The following POLRMT variants were observed in gnomAD, a reference collection of about 807,000 sequenced individuals.
The protein encoded by POLRMT is RNA polymerase mitochondrial, also known as DNA-directed RNA polymerase, mitochondrial.
POLRMT carries 114 observed loss-of-function variants against 132.2 expected under a neutral mutation model. That is an observed-to-expected ratio of 0.86 (90% confidence interval 0.74 to 1.01). The LOEUF (loss-of-function observed/expected upper bound fraction) is 1.01, where lower values mean the gene tolerates loss of function less well. POLRMT is among the 50% of genes least tolerant of loss of function. POLRMT has a pLI of 0.00. For synonymous variants in POLRMT, 1,020 were observed against 773.4 expected, an observed-to-expected ratio of 1.32 and a Z score of -5.29; for missense variants, 2,003 against 1,729.1, an observed-to-expected ratio of 1.16 and a Z score of -2.81.
In POLRMT at chr19:619,022, G is replaced by A. The variant is rs768325317; in HGVS notation, c.3242C>T (p.Pro1081Leu). The A allele has an allele frequency of 1.6e-5, 25 of 1,596,940 alleles. No individual in the cohort carries two copies. Among genetic ancestry groups the A allele is most frequent in the South Asian group, 4.5e-5 (4 of 89,670 alleles). The stretch of plus-strand genomic sequence containing the variant: ...CTTGACCTTGGAGTCCAGGCGATAG[G>A]GCTGGATGACGGGGACGCCCAGGGG... The part of the protein sequence containing the change: ...VTPLGVPVIQ[P>L]YRLDSKVKQI... Residue 1081 changes from proline (P) to leucine (L), a missense_variant, in exon 15 of 21, where the codon CCC (proline) becomes CTC (leucine). Coordinates refer to ENST00000588649, the MANE Select transcript of POLRMT (RefSeq NM_005035.4).
chr19:622,789 CCGGGGACCCGGCCGCG>C lies in POLRMT; in HGVS notation c.1455+16_1455+31del. ...AGCCGTGAGTGCCTGCCCGCCCCGC[CCGGGGACCCGGCCGCG>C]CGGAGGAAGACGCACCTGCAGGAGC... On this transcript the variant is annotated intron_variant, in intron 7 of 20. Transcript: ENST00000588649. 1 of 1,571,026 alleles carries C rather than the reference CCGGGGACCCGGCCGCG, an allele frequency of 6.4e-7. No homozygotes were observed. The highest frequency in any genetic ancestry group is 8.6e-7 in the Non-Finnish European group (1 of 1,159,328).
Position 620,015 on chromosome 19 carries a change from G to C in POLRMT, c.2829C>G (p.Ser943=), listed in dbSNP as rs755415414. The C allele has an allele frequency of 8.9e-6, 14 of 1,581,124 alleles. No individual in the cohort carries two copies. Among genetic ancestry groups the C allele is most frequent in the Non-Finnish European group, 1.2e-5 (14 of 1,168,114 alleles). The change falls in exon 12 of 21, where the codon TCC becomes TCG. Residue 943 remains serine (S), a synonymous_variant. Transcript: ENST00000588649. The part of the protein sequence containing the change: ...ALGRDSVGAA[S]VNLEPSDVPQ... Reference sequence around the variant, plus strand: ...GCACATCCGAGGGCTCCAGGTTGACGGAGGCGGCGCCCACGCTGTCGCGGC... The same window carrying C: ...GCACATCCGAGGGCTCCAGGTTGACCGAGGCGGCGCCCACGCTGTCGCGGC...
chr19:624,988 T>A, intron 4 of POLRMT, 83 bp from the exon 5 acceptor site: 1 of 1,528,692 alleles, frequency 6.5e-7, no homozygotes, highest in Non-Finnish European at 8.8e-7. Context: ...CGTGACCACC[T>A]CCTGCTAGCC....
chr19:625,292 G>A (rs1316562531), intron 3 of POLRMT, 38 bp from the exon 4 acceptor site: 2 of 1,610,558 alleles, frequency 1.2e-6, no homozygotes, highest in Admixed American at 3.3e-5. Flanking sequence ...TGGGGGGATG[G>A]CCCAACCTCC....
At chr19:626,882 A>T (rs930221308) in intron 3 of POLRMT, among the ~76,000 whole-genome samples, 1 of 101,582 alleles carries the variant, frequency 9.8e-6, no homozygotes, top group Non-Finnish European at 2.0e-5. Flanking sequence ...TCTGTCTTAA[A>T]ATATACACAC....
At position 626,898 on chromosome 19, in the gene POLRMT, C is replaced by CACACACACACACACATAT. The variant is rs371959370; in HGVS notation, c.823-1645_823-1644insATATGTGTGTGTGTGTGT. 1.6e-4 allele frequency among the ~76,000 whole-genome samples: 24 copies of CACACACACACACACATAT among 146,736 alleles called. No individual in the cohort carries two copies. In the South Asian group the frequency reaches 1.7e-3, roughly 10 times the overall value. On this transcript the variant is annotated intron_variant, in intron 3 of 20. Coordinates refer to ENST00000588649, the MANE Select transcript of POLRMT (RefSeq NM_005035.4). ...CTGTCTTAAAATATACACACACACA[C>CACACACACACACACATAT]ATATATATATATATATAAAATAACA... is the stretch of plus-strand genomic sequence containing the variant.
chr19:628,210 G>C (rs534929064), intron 3 of POLRMT, among the ~76,000 whole-genome samples: 4 of 152,176 alleles, frequency 2.6e-5, no homozygotes, highest in Admixed American at 1.3e-4. Context: ...CTAAGAGTGC[G>C]TTTCTGCTGT....
At chr19:617,364 G>C (rs1984051144) in intron 20 of POLRMT, 41 bp from the exon 21 acceptor site, 3 of 1,612,446 alleles carry the variant, frequency 1.9e-6, no homozygotes, top group African/African-American at 2.7e-5. Flanking sequence ...TGGCGGGAAA[G>C]CCCCGCCCTG....
intron 1 of POLRMT, 143 bp downstream of exon 1, chr19:633,282 C>T (rs1160663925): frequency 3.8e-6 from 4 of 1,047,546 alleles, no homozygotes; most frequent in Non-Finnish European, 5.1e-6. Context: ...CGGGCAAGGG[C>T]GAGTGGAAAG....
chr19:622,016 T>TGGTGTG, intron 9 of POLRMT, 133 bp downstream of exon 9: 1 of 1,127,960 alleles, frequency 8.9e-7, no homozygotes, highest in Non-Finnish European at 1.2e-6. Flanking sequence ...TGGACACCCA[T>TGGTGTG]GGTGTGTCCC....
Position 618,760 on chromosome 19 carries a change from G to A in POLRMT, c.3268C>T (p.Gln1090Ter). The change falls in exon 16 of 21, where the codon CAA (glutamine) becomes TAA (stop). Residue 1090 changes from glutamine to a stop codon, truncating the protein, a stop_gained and splice_region_variant. Coordinates refer to ENST00000588649, the MANE Select transcript of POLRMT (RefSeq NM_005035.4). LOFTEE classifies it high-confidence loss of function. ...QPYRLDSKVK[Q>*]IGGGIQSITY... ...ATGCTCTGAATTCCACCTCCTATTTGCTAAAAAGGGGAAGGGGCCGGTGAG... is the reference window on the plus strand; with the variant it reads ...ATGCTCTGAATTCCACCTCCTATTTACTAAAAAGGGGAAGGGGCCGGTGAG... The A allele has an allele frequency of 1.3e-6, 2 of 1,598,930 alleles. No homozygotes were observed. Among genetic ancestry groups the A allele is most frequent in the Non-Finnish European group, 1.7e-6 (2 of 1,173,564 alleles).
rs763844516 is a variant in POLRMT at position 624,876 on chromosome 19, A to T, written c.983T>A (p.Leu328Gln). The T allele has an allele frequency of 1.8e-5, 29 of 1,612,716 alleles. No homozygotes were observed. Among genetic ancestry groups the T allele is most frequent in the Non-Finnish European group, 2.3e-5 (27 of 1,179,700 alleles). The change falls in exon 5 of 21, where the codon CTG (leucine) becomes CAG (glutamine). Residue 328 changes from leucine (L) to glutamine (Q), a missense_variant. Leu to Gln is a moderately radical substitution (Grantham distance 113). Coordinates refer to ENST00000588649, the MANE Select transcript of POLRMT (RefSeq NM_005035.4). ...RCLEQMSQEG[L>Q]KLQALFTAVL... ...GGCGGTGAAGAGTGCCTGCAGCTTC[A>T]GCCCCTCCTGGCTCATCTGTTCCAG...
rs2144624793 is a variant in POLRMT, at chr19:622,151, G to A, written c.1849C>T (p.Gln617Ter). Residue 617 changes from glutamine (Q) to a stop codon, truncating the protein, a stop_gained and splice_region_variant, in exon 9 of 21, where the codon CAG becomes TAG. Coordinates refer to ENST00000588649, the MANE Select transcript of POLRMT (RefSeq NM_005035.4). LOFTEE classifies it high-confidence loss of function. ...CTCAGGAGGGCACTGCCTGGCACCTGCTGGACGTTGCGGAAGGAATACACG... is the reference window on the plus strand; with the variant it reads ...CTCAGGAGGGCACTGCCTGGCACCTACTGGACGTTGCGGAAGGAATACACG... ...YHVYSFRNVQ[Q>*]IGILKPHPAY... 1 of 1,552,210 alleles carries A rather than the reference G, an allele frequency of 6.4e-7. No individual in the cohort carries two copies. The highest frequency in any genetic ancestry group is 8.7e-7 in the Non-Finnish European group (1 of 1,151,880).
intron 2 of POLRMT, among the ~76,000 whole-genome samples, chr19:632,130 AGGCGTG>A (rs1985463259): frequency 1.3e-5 from 2 of 149,976 alleles, no homozygotes; most frequent in Non-Finnish European, 3.0e-5. Context: ...CTGGGAGTAC[AGGCGTG>A]AGCCACCGCA....
rs370681082 is a variant in POLRMT, at chr19:617,412, C to T, written c.3643+7G>A. 2.8e-5 allele frequency: 45 copies of T among 1,612,200 alleles called. No individual in the cohort carries two copies. Among genetic ancestry groups the T allele is most frequent in the African/African-American group, 2.4e-4 (18 of 74,906 alleles). Reference sequence around the variant, plus strand: ...AGCCACCCTTGCGAGGCTGCCCACCCGCCTACCTGGCTTGGGCACCGCCTG... The same window carrying T: ...AGCCACCCTTGCGAGGCTGCCCACCTGCCTACCTGGCTTGGGCACCGCCTG... On this transcript the variant is annotated splice_region_variant and intron_variant, in intron 20 of 20. Transcript: ENST00000588649.
chr19:632,246 C>T (rs553228507), intron 2 of POLRMT, among the ~76,000 whole-genome samples: 23 of 152,276 alleles, frequency 1.5e-4, no homozygotes, highest in African/African-American at 4.6e-4. Context: ...GGTTTTTTCC[C>T]TTTATAAAGG....
At position 624,817 on chromosome 19, in the gene POLRMT, G is replaced by C; in HGVS notation, c.1042C>G (p.Leu348Val). 2 of 1,613,510 alleles carry C rather than the reference G, an allele frequency of 1.2e-6. No homozygotes were observed. Among genetic ancestry groups the C allele is most frequent in the Non-Finnish European group, 1.7e-6 (2 of 1,180,010 alleles). The stretch of plus-strand genomic sequence containing the variant: ...GGCTTCACCTTGTGCACGGCCTTCA[G>C]AACAGTGGCCCGATCCTCCTCAGAC... ...LLSEEDRATV[L>V]KAVHKVKPTF... The change falls in exon 5 of 21, where the codon CTG (leucine) becomes GTG (valine). Residue 348 changes from leucine to valine, a missense_variant. Physicochemically the swap from Leu to Val is conservative, Grantham distance 32. Coordinates refer to ENST00000588649, the MANE Select transcript of POLRMT (RefSeq NM_005035.4).
At position 619,987 on chromosome 19, in the gene POLRMT, G is replaced by T; in HGVS notation, c.2857C>A (p.Gln953Lys). 1 of 1,597,614 alleles carries T rather than the reference G, an allele frequency of 6.3e-7. No individual in the cohort carries two copies. The highest frequency in any genetic ancestry group is 8.5e-7 in the Non-Finnish European group (1 of 1,175,990). The change falls in exon 12 of 21, where the codon CAG (glutamine) becomes AAG (lysine). Residue 953 changes from glutamine to lysine, a missense_variant. Physicochemically the swap from Gln to Lys is moderately conservative, Grantham distance 53. Coordinates refer to ENST00000588649, the MANE Select transcript of POLRMT (RefSeq NM_005035.4). ...GCGGCCACGCCGCTGTACACGTCCT[G>T]CGGCACATCCGAGGGCTCCAGGTTG... is the stretch of plus-strand genomic sequence containing the variant. ...SVNLEPSDVP[Q>K]DVYSGVAAQV...
At chr19:625,450 T>C in intron 3 of POLRMT, 196 bp from the exon 4 acceptor site, 1 of 634,768 alleles carries the variant, frequency 1.6e-6, no homozygotes, top group Non-Finnish European at 2.6e-6. Context: ...GGCAGCCGCA[T>C]GGCCCGCCAG....
Sources: allele counts gnomAD v4.1 joint callset (sites outside exome capture counted in the v4.1 genomes callset), GRCh38; gene constraint gnomAD v4.1.1; transcripts MANE v1.5; gene names NCBI Gene and HGNC (gene_info 2026-07-23, HGNC 2026-07-21).